TXNL4A: variants seen among roughly 807,000 people sequenced by gnomAD.
TXNL4A encodes the protein thioredoxin-like protein 4A.
A neutral mutation model predicts 14.6 loss-of-function variants in TXNL4A; 17 were observed. The ratio of observed to expected loss-of-function variants is 1.16; its 90% CI spans 0.80 to 1.74. The LOEUF (loss-of-function observed/expected upper bound fraction) is 1.74. Ranked by LOEUF, TXNL4A falls within the 40% of genes most tolerant of loss-of-function variation. TXNL4A has a pLI of 0.00. For missense variants in TXNL4A, 74 were observed against 195.2 expected, an observed-to-expected ratio of 0.38 and a Z score of 3.70; for synonymous variants, 83 against 70.6, an observed-to-expected ratio of 1.18 and a Z score of -0.88.
chr18:80,032,398 C>G (rs1419083921), intron 1 of TXNL4A, among the ~76,000 whole-genome samples: 1 of 152,200 alleles, frequency 6.6e-6, no homozygotes, highest in Non-Finnish European at 1.5e-5. Flanking sequence ...GCCAAATTCA[C>G]TTAGCCAAAG....
At chr18:79,997,082 A>G (rs1374777731) in intron 1 of TXNL4A, among the ~76,000 whole-genome samples, 1 of 152,206 alleles carries the variant, frequency 6.6e-6, no homozygotes, top group African/African-American at 2.4e-5. Flanking sequence ...TAAAGAGCAG[A>G]AAACAGTAAA....
Position 79,973,628 on chromosome 18 carries a change from A to G in TXNL4A, c.*57T>C. On this transcript the variant is annotated 3_prime_UTR_variant, in exon 3 of 3. Transcript: ENST00000269601. ...TTTTCCAAAGGCTTTAAATAGCTTA[A>G]AACGTTTCCATACAAAAAGGGCTCC... The G allele has an allele frequency of 6.4e-7, 1 of 1,553,534 alleles. No homozygotes were observed. The highest frequency in any genetic ancestry group is 1.2e-5 in the South Asian group (1 of 81,206).
intron 2 of TXNL4A, chr18:79,977,347 C>A: frequency 1.9e-6 from 1 of 523,238 alleles, no homozygotes; most frequent in Non-Finnish European, 3.3e-6. Context: ...CATTGAATTA[C>A]ACTTCACCTA....
chr18:79,999,906 A>C (rs1042890077), intron 1 of TXNL4A, among the ~76,000 whole-genome samples: 28 of 151,616 alleles, frequency 1.8e-4, no homozygotes, highest in African/African-American at 6.6e-4. Context: ...ATAAGGGGAA[A>C]CCCCTTTTGC....
intron 1 of TXNL4A, among the ~76,000 whole-genome samples, chr18:79,984,045 A>G (rs552739424): frequency 6.6e-6 from 1 of 151,368 alleles, no homozygotes; most frequent in Admixed American, 6.6e-5. Flanking sequence ...ACCCTCAACC[A>G]CGGCTCAACA....
At chr18:80,003,232 G>C (rs2051709002) in intron 1 of TXNL4A, among the ~76,000 whole-genome samples, 1 of 152,216 alleles carries the variant, frequency 6.6e-6, no homozygotes, top group Admixed American at 6.5e-5. Flanking sequence ...CATCCAGCTG[G>C]CTACATCCTC....
chr18:79,976,128 G>C (rs1178129643), intron 2 of TXNL4A, among the ~76,000 whole-genome samples: 3 of 152,224 alleles, frequency 2.0e-5, no homozygotes, highest in Non-Finnish European at 4.4e-5. Flanking sequence ...AACCACGGCA[G>C]TGCCTCACGC....
At chr18:79,997,107 C>T (rs2051667994) in intron 1 of TXNL4A, among the ~76,000 whole-genome samples, 2 of 152,122 alleles carry the variant, frequency 1.3e-5, no homozygotes, top group Admixed American at 1.3e-4. Context: ...CTTTTAGCTT[C>T]CCCAGTCTTC....
chr18:79,986,572 G>C, intron 1 of TXNL4A: 29 of 985,428 alleles, frequency 2.9e-5, no homozygotes, highest in Non-Finnish European at 3.5e-5. Flanking sequence ...TTGGAAAAGA[G>C]CAAATCTGGC....
intron 1 of TXNL4A, among the ~76,000 whole-genome samples, chr18:79,981,609 T>C (rs1002803641): frequency 9.2e-5 from 14 of 152,188 alleles, no homozygotes; most frequent in Admixed American, 3.3e-4. Flanking sequence ...GATGTGGAGA[T>C]TGCAGTGAGC....
chr18:80,032,668 C>T (rs1486470827), intron 1 of TXNL4A, among the ~76,000 whole-genome samples: 1 of 152,066 alleles, frequency 6.6e-6, no homozygotes, highest in Non-Finnish European at 1.5e-5. Context: ...GGGGAAACAC[C>T]GTCTCTATTA....
chr18:80,025,196 C>T (rs759194463), intron 1 of TXNL4A, among the ~76,000 whole-genome samples: 2 of 152,150 alleles, frequency 1.3e-5, no homozygotes, highest in Admixed American at 6.5e-5. Flanking sequence ...TTCAGTGGTA[C>T]CTGGAGAGTA....
At chr18:80,024,819 G>A (rs1237638230) in intron 1 of TXNL4A, among the ~76,000 whole-genome samples, 3 of 152,170 alleles carry the variant, frequency 2.0e-5, no homozygotes, top group African/African-American at 4.8e-5. Context: ...AGACCAAACC[G>A]GTTCAGGAGG....
At chr18:79,979,727 TTC>T (rs2051434522) in intron 1 of TXNL4A, 1 of 152,252 alleles carries the variant, frequency 6.6e-6, no homozygotes, top group African/African-American at 2.4e-5. Flanking sequence ...TCCTACACCA[TTC>T]TTCTGTTACT....
In TXNL4A at chr18:80,007,576, G is replaced by A. The variant is rs539120867; in HGVS notation, c.-61+26275C>T. On this transcript the variant is annotated intron_variant, in intron 1 of 2. Coordinates refer to the TXNL4A transcript ENST00000585474. ...TTTTGGGCCTGGCGCTGGGCTGCCTGTCTTTGATTTCACTTCCTTGGTTTT... is the reference window on the plus strand; with the variant it reads ...TTTTGGGCCTGGCGCTGGGCTGCCTATCTTTGATTTCACTTCCTTGGTTTT... 4.0e-3 allele frequency among the ~76,000 whole-genome samples: 610 copies of A among 152,008 alleles called. 3 individuals are homozygous for A. Among genetic ancestry groups the A allele is most frequent in the Non-Finnish European group, 7.4e-3 (500 of 67,950 alleles).
intron 1 of TXNL4A, among the ~76,000 whole-genome samples, chr18:80,000,665 T>A (rs2051692730): frequency 6.6e-6 from 1 of 152,140 alleles, no homozygotes; most frequent in Non-Finnish European, 1.5e-5. Context: ...GTTTGTTTTG[T>A]TTTTTTGAGA....
rs527420950 is a variant in TXNL4A, at chr18:79,986,440, A to C, written c.153+1800T>G. Among the ~76,000 whole-genome samples, 18 of 124,832 alleles carry C rather than the reference A, an allele frequency of 1.4e-4. No individual in the cohort carries two copies. The East Asian group carries it at 4.4e-3, about 30-fold the overall frequency. 81.9% of individuals were successfully genotyped at this position (124,832 alleles called of 152,430 possible). A position where few individuals can be genotyped will look rare whatever the true frequency, so the allele number is the denominator to read the frequency against. ...AACAAAAATCAGACTATTTTAAAAG[A>C]CCAAAAAAAATACCCCAAAGTGAGC... On this transcript the variant is annotated intron_variant, in intron 1 of 2. Transcript: ENST00000269601.
At chr18:80,014,037 G>C (rs2051790226) in intron 1 of TXNL4A, among the ~76,000 whole-genome samples, 1 of 152,116 alleles carries the variant, frequency 6.6e-6, no homozygotes, top group Non-Finnish European at 1.5e-5. Flanking sequence ...ACTATCCTGA[G>C]ACTAGCAGAG....
At chr18:80,016,121 A>T (rs1232790131) in intron 1 of TXNL4A, among the ~76,000 whole-genome samples, 1 of 149,492 alleles carries the variant, frequency 6.7e-6, no homozygotes, top group Non-Finnish European at 1.5e-5. Flanking sequence ...AGTGATGATG[A>T]GCATTTTTTC....
Sources: gnomAD v4.1 joint callset for allele counts (sites outside exome capture counted in the v4.1 genomes callset) on GRCh38, gnomAD v4.1.1 for gene constraint, MANE v1.5 for transcripts, NCBI Gene and HGNC (gene_info 2026-07-23, HGNC 2026-07-21) for gene names.